Variants in CPNE5 observed in about 807,000 individuals in gnomAD.
CPNE5 encodes the protein copine-5.
In CPNE5, 42 loss-of-function variants were observed where a neutral mutation model predicts 81.1. That is an observed-to-expected ratio of 0.52 (90% CI 0.40 to 0.67). The LOEUF is 0.67. Ranked by LOEUF, CPNE5 falls within the 30% of genes least tolerant of loss-of-function variation. The pLI is 0.00. For synonymous variants in CPNE5, 313 were observed against 321.5 expected, an observed-to-expected ratio of 0.97 and a Z score of 0.28; for missense variants, 612 against 815.5, an observed-to-expected ratio of 0.75 and a Z score of 3.04.
Position 36,745,147 on chromosome 6 carries a change from A to T in CPNE5, c.1332T>A (p.Asn444Lys), listed in dbSNP as rs183437097. The stretch of plus-strand genomic sequence containing the variant: ...GGGAGCCATCCTGCACGGCCGCTGC[A>T]TTCCTGGGTGGGGCAGGTGTGGGCT... ...FAPVVTHVAR[N>K]AAAVQDGSQY... The change falls in exon 18 of 21, where the codon AAT becomes AAA. Residue 444 changes from asparagine to lysine, a missense_variant. Coordinates refer to ENST00000244751, the MANE Select transcript of CPNE5 (RefSeq NM_020939.2). 3 of 1,612,776 alleles carry T rather than the reference A, an allele frequency of 1.9e-6. No homozygotes were observed. Among genetic ancestry groups the T allele is most frequent in the East Asian group, 2.2e-5 (1 of 44,892 alleles).
chr6:36,741,212 A>C lies in CPNE5; in HGVS notation c.*1056T>G, dbSNP rs10947627. On this transcript the variant is annotated 3_prime_UTR_variant, in exon 21 of 21. Coordinates refer to ENST00000244751, the MANE Select transcript of CPNE5 (RefSeq NM_020939.2). ...ATCTGTTAGGAGTAGGATGGGGGGA[A>C]CTGGGCATGGGATGAATGACCCTCA... 3.3e-5 allele frequency: 5 copies of C among 152,064 alleles called. No homozygotes were observed. Among genetic ancestry groups the C allele is most frequent in the Non-Finnish European group, 7.3e-5 (5 of 68,028 alleles). 9.4% of individuals were successfully genotyped at this position (152,064 alleles called of 1,614,324 possible).
chr6:36,793,962 C>A (rs1292575240), intron 7 of CPNE5, among the ~76,000 whole-genome samples: 1 of 152,170 alleles, frequency 6.6e-6, no homozygotes, highest in Non-Finnish European at 1.5e-5. Context: ...ACTCCCCAAC[C>A]GGGAAAGAAG....
At chr6:36,828,203 T>A (rs1772670698) in intron 1 of CPNE5, among the ~76,000 whole-genome samples, 1 of 151,146 alleles carries the variant, frequency 6.6e-6, no homozygotes, top group Non-Finnish European at 1.5e-5. Context: ...ACATGTAGTC[T>A]TAGCTACTCG....
In CPNE5 at chr6:36,742,489, G is replaced by A; in HGVS notation, c.1564-3C>T. On this transcript the variant is annotated splice_polypyrimidine_tract_variant and splice_region_variant and intron_variant, in intron 20 of 20. Coordinates refer to ENST00000244751, the MANE Select transcript of CPNE5 (RefSeq NM_020939.2). Reference sequence around the variant, plus strand: ...ACGTAGTCCCGGAAGGGTACAAACTGGCAAGTGGGAGGGCAGGGTCAGGCA... The same window carrying A: ...ACGTAGTCCCGGAAGGGTACAAACTAGCAAGTGGGAGGGCAGGGTCAGGCA... 1 of 1,609,114 alleles carries A rather than the reference G, an allele frequency of 6.2e-7. No individual in the cohort carries two copies. Among genetic ancestry groups the A allele is most frequent in the Non-Finnish European group, 8.5e-7 (1 of 1,178,158 alleles).
rs554153550 is a variant in CPNE5 at position 36,827,406 on chromosome 6, A to G, written c.96-4308T>C. ...GGGCTCACCCCTGCCCCGGGGTATA[A>G]AATGGCAGTTCCTTGGGCTCTGTTC... On this transcript the variant is annotated intron_variant, in intron 1 of 20. Transcript: ENST00000244751. 27 of 985,334 alleles carry G rather than the reference A, an allele frequency of 2.7e-5. No individual in the cohort carries two copies. The South Asian group carries it at 1.1e-3, about 41-fold the overall frequency. 61.0% of individuals were successfully genotyped at this position (985,334 alleles called of 1,614,324 possible).
chr6:36,801,943 G>A (rs1770138668), intron 3 of CPNE5, among the ~76,000 whole-genome samples: 1 of 152,266 alleles, frequency 6.6e-6, no homozygotes, highest in East Asian at 1.9e-4. Context: ...TGATGCGGCT[G>A]GGCGCGGTGG....
At chr6:36,838,260 A>G (rs1023862843) in intron 1 of CPNE5, among the ~76,000 whole-genome samples, 2 of 152,186 alleles carry the variant, frequency 1.3e-5, no homozygotes, top group African/African-American at 4.8e-5. Flanking sequence ...AGAGGATGAG[A>G]TGGGTGATTT....
chr6:36,772,460 G>A (rs1445418405), intron 10 of CPNE5, among the ~76,000 whole-genome samples: 4 of 152,200 alleles, frequency 2.6e-5, no homozygotes, highest in Admixed American at 6.5e-5. Context: ...CGCTAAGACC[G>A]TCTTTGTTCC....
Position 36,766,486 on chromosome 6 carries a change from C to T in CPNE5, c.738-1110G>A, listed in dbSNP as rs1271191494. Reference sequence around the variant, plus strand: ...CAGCACTCCTGTACAATGAGGCAGGCATGGAAGCCCACCATTTAAAGGAAT... The same window carrying T: ...CAGCACTCCTGTACAATGAGGCAGGTATGGAAGCCCACCATTTAAAGGAAT... On this transcript the variant is annotated intron_variant, in intron 10 of 20. Coordinates refer to ENST00000244751, the MANE Select transcript of CPNE5 (RefSeq NM_020939.2). This position sits in a 1 kb window ranked among gnomAD's most constrained non-coding sequence, Gnocchi z 4.2. Among the ~76,000 whole-genome samples, 4 of 152,168 alleles carry T rather than the reference C, an allele frequency of 2.6e-5. No homozygotes were observed. Among genetic ancestry groups the T allele is most frequent in the African/African-American group, 9.7e-5 (4 of 41,428 alleles).
chr6:36,798,604 C>G (rs1769809579), intron 4 of CPNE5, 110 bp from the exon 5 acceptor site: 3 of 873,934 alleles, frequency 3.4e-6, no homozygotes, highest in Admixed American at 1.9e-5. Context: ...CAGGTCCCAA[C>G]ACAGTGAATA....
intron 3 of CPNE5, among the ~76,000 whole-genome samples, chr6:36,817,489 C>T (rs1268047756): frequency 6.6e-6 from 1 of 152,142 alleles, no homozygotes; most frequent in African/African-American, 2.4e-5. Flanking sequence ...TCTGCTCTGA[C>T]ATTCTCACTC....
chr6:36,746,594 G>T lies in CPNE5; in HGVS notation c.1019-17C>A, dbSNP rs374631816. 8.1e-6 allele frequency: 13 copies of T among 1,603,926 alleles called. No individual in the cohort carries two copies. In the African/African-American group the frequency reaches 1.3e-4, roughly 17 times the overall value. ...AGGGGTTCCCTGTAACACAGGACATGGGAGCCTTTGACCATCTGGACCCTC... is the reference window on the plus strand; with the variant it reads ...AGGGGTTCCCTGTAACACAGGACATTGGAGCCTTTGACCATCTGGACCCTC... On this transcript the variant is annotated splice_polypyrimidine_tract_variant and intron_variant, in intron 15 of 20. Transcript: ENST00000244751. This position sits in a 1 kb window ranked among gnomAD's most constrained non-coding sequence, Gnocchi z 4.5.
upstream of CPNE5, chr6:36,839,691 G>A: frequency 3.3e-6 from 1 of 300,116 alleles, no homozygotes; most frequent in Non-Finnish European, 6.2e-6. The surrounding 1 kb of genome is among the most constrained non-coding windows in gnomAD (Gnocchi z 7.3). Context: ...GGGGCTCGGG[G>A]AGAGGGCACC....
intron 1 of CPNE5, chr6:36,838,865 G>A (rs1210004654): frequency 5.3e-6 from 2 of 375,866 alleles, no homozygotes; most frequent in Non-Finnish European, 7.3e-6. Flanking sequence ...AAGAGAGGAG[G>A]GCACAGAAGG....
intron 1 of CPNE5, among the ~76,000 whole-genome samples, chr6:36,834,698 A>G (rs1773313891): frequency 6.6e-6 from 1 of 151,920 alleles, no homozygotes; most frequent in African/African-American, 2.4e-5. Flanking sequence ...CATACGGTTC[A>G]GCCTAATATG....
At chr6:36,786,926 A>AT (rs369526347) in intron 8 of CPNE5, among the ~76,000 whole-genome samples, 79 of 151,148 alleles carry the variant, frequency 5.2e-4, no homozygotes, top group Admixed American at 3.8e-3. Flanking sequence ...TGAATATGTT[A>AT]TTTTTTTTTA....
chr6:36,786,201 C>A (rs1228724591), intron 8 of CPNE5, among the ~76,000 whole-genome samples: 1 of 151,976 alleles, frequency 6.6e-6, no homozygotes, highest in Admixed American at 6.6e-5. Flanking sequence ...ACACCAGGAG[C>A]TGGGGGTGAT....
chr6:36,747,393 T>C (rs1262193381), intron 15 of CPNE5, among the ~76,000 whole-genome samples: 1 of 152,254 alleles, frequency 6.6e-6, no homozygotes, highest in African/African-American at 2.4e-5. Context: ...GTAAGTTCCT[T>C]AACCTTAGCC....
At chr6:36,775,340 C>T (rs548211925) in intron 9 of CPNE5, among the ~76,000 whole-genome samples, 1 of 152,302 alleles carries the variant, frequency 6.6e-6, no homozygotes, top group Admixed American at 6.5e-5. Flanking sequence ...CTAGCCTCTG[C>T]TCTGGGGCCA....
Sources: allele counts gnomAD v4.1 joint callset (sites outside exome capture counted in the v4.1 genomes callset), GRCh38; gene constraint gnomAD v4.1.1; non-coding constraint Gnocchi (gnomAD v3.1); transcripts MANE v1.5; gene names NCBI Gene and HGNC (gene_info 2026-07-23, HGNC 2026-07-21).